STARD13: variants seen among roughly 807,000 people sequenced by gnomAD.
The protein encoded by STARD13 is StAR related lipid transfer domain containing 13.
In STARD13, 62 loss-of-function variants were observed where a neutral mutation model predicts 106.4. The ratio of observed to expected loss-of-function variants is 0.58; its 90% CI spans 0.48 to 0.72. The LOEUF is 0.72. Among genes scored for constraint, STARD13 ranks in the 30% least tolerant of loss-of-function variants. The probability of loss-of-function intolerance (pLI) is 0.00; values close to 1 mark genes in which losing one functional copy is unlikely to be tolerated. For missense variants in STARD13, 1,387 were observed against 1,424.0 expected (o/e 0.97, Z 0.42); for synonymous variants, 565 against 553.0 (o/e 1.02, Z -0.31).
chr13:33,381,188 C>T, the STARD13 span, among the ~76,000 whole-genome samples: 12 of 152,114 alleles, frequency 7.9e-5, no homozygotes, highest in African/African-American at 2.9e-4. Context: ...ACAATTTAGA[C>T]TAATATAAAA....
chr13:33,364,201 C>T, the STARD13 span, among the ~76,000 whole-genome samples: 1 of 152,128 alleles, frequency 6.6e-6, no homozygotes. Flanking sequence ...CACAGTGACT[C>T]AAGCCTGTAA....
chr13:33,429,996 C>A, the STARD13 span, among the ~76,000 whole-genome samples: 6 of 151,710 alleles, frequency 4.0e-5, no homozygotes, highest in Non-Finnish European at 7.4e-5. Flanking sequence ...CGGCTCACTG[C>A]AAGCTCCGCC....
intron 1 of STARD13, chr13:33,188,125 C>T (rs1297782069): frequency 5.3e-5 from 8 of 152,214 alleles, no homozygotes; most frequent in Admixed American, 5.2e-4. Flanking sequence ...GTGAATCTGC[C>T]ATGTGACCTG....
At chr13:33,604,367 G>T in the STARD13 span, among the ~76,000 whole-genome samples, 1 of 152,304 alleles carries the variant, frequency 6.6e-6, no homozygotes, top group Non-Finnish European at 1.5e-5. Context: ...CTAGACACAT[G>T]ATAGTGAAAT....
chr13:33,557,103 TAAG>T, the STARD13 span, among the ~76,000 whole-genome samples: 2 of 152,202 alleles, frequency 1.3e-5, no homozygotes, highest in Non-Finnish European at 2.9e-5. Context: ...TCACAAGAGA[TAAG>T]AAGTCTTCTG....
At chr13:33,146,976 C>T (rs2320988) in intron 3 of STARD13, among the ~76,000 whole-genome samples, 1,815 of 152,258 alleles carry the variant, frequency 0.012, 39 homozygotes, top group African/African-American at 0.04. Context: ...CCCAAAACTC[C>T]GTTACCAAAG....
chr13:33,602,670 A>G, the STARD13 span, among the ~76,000 whole-genome samples: 1 of 152,196 alleles, frequency 6.6e-6, no homozygotes, highest in Non-Finnish European at 1.5e-5. Context: ...CCTGTTAGGA[A>G]CTAGGCGGCA....
intron 3 of STARD13, among the ~76,000 whole-genome samples, chr13:33,153,379 G>T (rs1881539437): frequency 6.6e-6 from 1 of 152,208 alleles, no homozygotes; most frequent in African/African-American, 2.4e-5. Context: ...CACAGGAAAA[G>T]AGCCAGAGAG....
At chr13:33,238,532 G>A (rs1889309566) in intron 1 of STARD13, among the ~76,000 whole-genome samples, 1 of 152,122 alleles carries the variant, frequency 6.6e-6, no homozygotes, top group African/African-American at 2.4e-5. Flanking sequence ...ACAGACTAGT[G>A]ATTTTGAAAT....
the STARD13 span, among the ~76,000 whole-genome samples, chr13:33,436,831 C>T: frequency 6.6e-6 from 1 of 152,078 alleles, no homozygotes; most frequent in African/African-American, 2.4e-5. Context: ...CACATTTTAC[C>T]CCCATCAGTG....
chr13:33,567,920 G>A, the STARD13 span, among the ~76,000 whole-genome samples: 1 of 147,928 alleles, frequency 6.8e-6, no homozygotes, highest in South Asian at 2.2e-4. Flanking sequence ...AAATGATTTG[G>A]GACTTCACTG....
chr13:33,450,440 T>C, the STARD13 span, among the ~76,000 whole-genome samples: 2 of 152,230 alleles, frequency 1.3e-5, no homozygotes, highest in Non-Finnish European at 2.9e-5. Flanking sequence ...GTGAATGATA[T>C]TTTTAATGTG....
intron 1 of STARD13, among the ~76,000 whole-genome samples, chr13:33,311,814 G>T (rs919986553): frequency 6.6e-6 from 1 of 152,204 alleles, no homozygotes; most frequent in African/African-American, 2.4e-5. Flanking sequence ...ATGAGGCCAA[G>T]GGCAGGGCCA....
the STARD13 span, among the ~76,000 whole-genome samples, chr13:33,574,382 A>G: frequency 6.6e-6 from 1 of 152,170 alleles, no homozygotes; most frequent in Non-Finnish European, 1.5e-5. Context: ...CATTTCTAGT[A>G]TTTATCAGAT....
chr13:33,402,031 A>T, the STARD13 span, among the ~76,000 whole-genome samples: 4 of 152,250 alleles, frequency 2.6e-5, no homozygotes, highest in Non-Finnish European at 5.9e-5. Flanking sequence ...TAGCTGCCAA[A>T]TGACAGGCCC....
At chr13:33,325,550 G>A (rs1250707294) in intron 1 of STARD13, among the ~76,000 whole-genome samples, 1 of 151,916 alleles carries the variant, frequency 6.6e-6, no homozygotes, top group Non-Finnish European at 1.5e-5. Flanking sequence ...GTCCTATTAT[G>A]GGCTGAATAA....
chr13:33,666,601 T>A, the STARD13 span, among the ~76,000 whole-genome samples: 2 of 152,076 alleles, frequency 1.3e-5, no homozygotes, highest in East Asian at 3.9e-4. Flanking sequence ...AGCCTATTTA[T>A]TTTTTAAGAC....
chr13:33,550,038 C>G, the STARD13 span, among the ~76,000 whole-genome samples: 3,524 of 152,214 alleles, frequency 0.023, 55 homozygotes, highest in Middle Eastern at 0.054. Context: ...TCCAAGAACA[C>G]CCTAGTCACA....
chr13:33,129,019 CT>C lies in STARD13; in HGVS notation c.1657del (p.Arg553GlufsTer3). The stretch of plus-strand genomic sequence containing the variant: ...AGATTCATTAAGAGATGTTACATCT[CT>C]TTCCACATCACTGGGTGTCGTCCGA... ...EGRTTPSDVE[R>X]DVTSLNESEP... On this transcript the variant is annotated frameshift_variant, in exon 5 of 14. Transcript: ENST00000336934. LOFTEE classifies it high-confidence loss of function. 6.2e-7 allele frequency: 1 copy of C among 1,614,150 alleles called. No homozygotes were observed. The highest frequency in any genetic ancestry group is 8.5e-7 in the Non-Finnish European group (1 of 1,180,036).
Sources: allele counts gnomAD v4.1 joint callset (sites outside exome capture counted in the v4.1 genomes callset), GRCh38; gene constraint gnomAD v4.1.1; transcripts MANE v1.5; gene names NCBI Gene and HGNC (gene_info 2026-07-23, HGNC 2026-07-21).